Variants in MKLN1 observed in about 807,000 individuals in gnomAD.
MKLN1 encodes muskelin 1.
A neutral mutation model predicts 99.0 loss-of-function variants in MKLN1; 18 were observed. The ratio of observed to expected loss-of-function variants is 0.18; its 90% confidence interval spans 0.13 to 0.27. The LOEUF (loss-of-function observed/expected upper bound fraction) is 0.27. MKLN1 is among the 10% of genes least tolerant of loss of function. The probability of loss-of-function intolerance (pLI) is 1.00; values close to 1 mark genes in which losing one functional copy is unlikely to be tolerated. For synonymous variants in MKLN1, 288 were observed against 293.2 expected, an observed-to-expected ratio of 0.98 and a Z score of 0.18; for missense variants, 621 against 875.9, an observed-to-expected ratio of 0.71 and a Z score of 3.67.
chr7:131,280,018 A>G (rs1195651901), intron 3 of MKLN1, among the ~76,000 whole-genome samples: 2 of 152,116 alleles, frequency 1.3e-5, no homozygotes, highest in East Asian at 3.9e-4. Context: ...TGCTGTCTCT[A>G]TGGATTTGCC....
At chr7:131,229,797 T>C (rs559545710) in intron 3 of MKLN1, among the ~76,000 whole-genome samples, 1 of 152,170 alleles carries the variant, frequency 6.6e-6, no homozygotes, top group African/African-American at 2.4e-5. Context: ...CAAGTGATCC[T>C]CCTGCCTCAG....
At chr7:131,148,984 C>T (rs1233108080) in intron 2 of MKLN1, among the ~76,000 whole-genome samples, 1 of 152,146 alleles carries the variant, frequency 6.6e-6, no homozygotes, top group Non-Finnish European at 1.5e-5. Context: ...GGCCATCTCT[C>T]AGAATTTTTG....
At chr7:131,475,585 GTGGATCGC>G (rs1381007499) in intron 16 of MKLN1, among the ~76,000 whole-genome samples, 1 of 152,162 alleles carries the variant, frequency 6.6e-6, no homozygotes, top group Non-Finnish European at 1.5e-5. Flanking sequence ...AGGCTGAGGG[GTGGATCGC>G]CTGAGCCCAT....
At chr7:131,442,470 C>G (rs923750555) in intron 10 of MKLN1, among the ~76,000 whole-genome samples, 5 of 152,078 alleles carry the variant, frequency 3.3e-5, no homozygotes, top group African/African-American at 1.2e-4. Flanking sequence ...TTGCTTGAAC[C>G]TGGGAGGCAG....
At chr7:131,469,266 A>G (rs1231238383) in intron 15 of MKLN1, among the ~76,000 whole-genome samples, 2 of 152,160 alleles carry the variant, frequency 1.3e-5, no homozygotes, top group African/African-American at 4.8e-5. Flanking sequence ...AGAATCTGCC[A>G]TCTCATGGCT....
chr7:131,402,446 A>G (rs1173622031), intron 6 of MKLN1, among the ~76,000 whole-genome samples: 1 of 152,174 alleles, frequency 6.6e-6, no homozygotes, highest in African/African-American at 2.4e-5. Flanking sequence ...AACTTCTTCC[A>G]AACTCTTGTT....
At chr7:131,394,974 T>A in intron 4 of MKLN1, among the ~76,000 whole-genome samples, 1 of 152,092 alleles carries the variant, frequency 6.6e-6, no homozygotes, top group Non-Finnish European at 1.5e-5. Flanking sequence ...ATCTCCCAAA[T>A]GTTGAAACAC....
chr7:131,258,843 G>A lies in MKLN1; in HGVS notation c.-179+55869G>A, dbSNP rs188507299. 5.8e-4 allele frequency among the ~76,000 whole-genome samples: 89 copies of A among 152,290 alleles called. 1 individual carries two copies. Among genetic ancestry groups the A allele is most frequent in the African/African-American group, 2.1e-3 (86 of 41,558 alleles). On this transcript the variant is annotated intron_variant, in intron 3 of 7. Coordinates refer to the MKLN1 transcript ENST00000416992. The stretch of plus-strand genomic sequence containing the variant: ...CATCTAGAGGAGATACAACCTGGTG[G>A]TCTGCTTTCTATTGTATTGATTTGT...
chr7:131,477,104 T>C (rs1796988027), intron 16 of MKLN1, among the ~76,000 whole-genome samples: 1 of 152,226 alleles, frequency 6.6e-6, no homozygotes, highest in Non-Finnish European at 1.5e-5. Flanking sequence ...AATAAGGCTT[T>C]GGGAAGAAAA....
rs1374776848 is a variant in MKLN1 at position 131,131,357 on chromosome 7, T to G, written c.-418-11463T>G. On this transcript the variant is annotated intron_variant, in intron 1 of 7. Transcript: ENST00000416992. ...ATGCAACTGCATCCAGCCTGGGCGA[T>G]AAAGCAAGACTGTGTCTCAAATTAA... is the stretch of plus-strand genomic sequence containing the variant. 2.6e-5 allele frequency among the ~76,000 whole-genome samples: 4 copies of G among 152,164 alleles called. 1 individual carries two copies. Among genetic ancestry groups the G allele is most frequent in the Admixed American group, 2.0e-4 (3 of 15,266 alleles).
intron 8 of MKLN1, among the ~76,000 whole-genome samples, chr7:131,423,112 T>C (rs1051225680): frequency 6.6e-6 from 1 of 152,214 alleles, no homozygotes; most frequent in African/African-American, 2.4e-5. Context: ...CTGTTCCTTG[T>C]TGTGTAACTC....
intron 1 of MKLN1, among the ~76,000 whole-genome samples, chr7:131,128,820 G>C (rs1346288162): frequency 4.0e-5 from 6 of 150,698 alleles, no homozygotes; most frequent in African/African-American, 1.5e-4. Flanking sequence ...GCCTGGTCTC[G>C]AACTCCTGGA....
chr7:131,227,623 T>C (rs1194795046), intron 3 of MKLN1, among the ~76,000 whole-genome samples: 5 of 151,544 alleles, frequency 3.3e-5, no homozygotes, highest in Admixed American at 2.6e-4. Context: ...TGGAGTGCGG[T>C]GGAGCAATCT....
intron 3 of MKLN1, among the ~76,000 whole-genome samples, chr7:131,273,248 T>C (rs1245320099): frequency 6.6e-6 from 1 of 152,182 alleles, no homozygotes; most frequent in East Asian, 1.9e-4. Context: ...TGTTTTCAGT[T>C]CCCTAATGAA....
chr7:131,327,906 G>A lies in MKLN1; in HGVS notation c.7G>A (p.Ala3Thr). 1.2e-6 allele frequency: 2 copies of A among 1,611,844 alleles called. No individual in the cohort carries two copies. Among genetic ancestry groups the A allele is most frequent in the Non-Finnish European group, 1.7e-6 (2 of 1,179,708 alleles). The change falls in exon 1 of 18, where the codon GCT becomes ACT. Residue 3 changes from alanine to threonine, a missense_variant. By Grantham distance (58) the Ala-to-Thr change is moderately conservative. Coordinates refer to ENST00000352689, the MANE Select transcript of MKLN1 (RefSeq NM_013255.5). MA[A>T]GGAVAAAPEC... ...CCGCTACGGTGCTGACAAGATGGCG[G>A]CTGGCGGAGCTGTCGCTGCGGCGCC...
At chr7:131,432,181 A>G in intron 9 of MKLN1, among the ~76,000 whole-genome samples, 1 of 151,952 alleles carries the variant, frequency 6.6e-6, no homozygotes, top group East Asian at 1.9e-4. Context: ...CTCTTTAGTG[A>G]GTAAGTAGGT....
rs138456085 is a variant in MKLN1, at chr7:131,406,540, A to G, written c.704-4766A>G. Reference sequence around the variant, plus strand: ...TATAAAATATTTGTCTTATACAGCAATTGTTCATTAATTTTACCCAAATAT... The same window carrying G: ...TATAAAATATTTGTCTTATACAGCAGTTGTTCATTAATTTTACCCAAATAT... On this transcript the variant is annotated intron_variant, in intron 6 of 17. Transcript: ENST00000352689. Among the ~76,000 whole-genome samples, 1,125 of 152,058 alleles carry G rather than the reference A, an allele frequency of 7.4e-3. 6 individuals carry two copies. The highest frequency in any genetic ancestry group is 0.012 in the Non-Finnish European group (837 of 67,866).
intron 12 of MKLN1, 51 bp from the exon 13 acceptor site, chr7:131,463,165 CT>C: frequency 6.5e-6 from 9 of 1,389,096 alleles, no homozygotes; most frequent in Non-Finnish European, 9.0e-6. Flanking sequence ...GAAGGAAATA[CT>C]AATCTATCTA....
chr7:131,240,917 A>G (rs1465635473), intron 3 of MKLN1, among the ~76,000 whole-genome samples: 1 of 152,252 alleles, frequency 6.6e-6, no homozygotes, highest in Non-Finnish European at 1.5e-5. Context: ...GACTCTTGTT[A>G]AGACAAACTG....
Sources: allele counts gnomAD v4.1 joint callset (sites outside exome capture counted in the v4.1 genomes callset), GRCh38; gene constraint gnomAD v4.1.1; transcripts MANE v1.5; gene names NCBI Gene and HGNC (gene_info 2026-07-23, HGNC 2026-07-21).